The following ABCA1 variants were observed in gnomAD, a reference collection of about 807,000 sequenced individuals.
ABCA1 encodes phospholipid-transporting ATPase ABCA1.
Under a neutral mutation model 262.5 loss-of-function variants are expected in ABCA1, and 133 were observed. The ratio of observed to expected loss-of-function variants is 0.51; its 90% CI spans 0.44 to 0.59. The LOEUF is 0.59. Among genes scored for constraint, ABCA1 ranks in the 20% least tolerant of loss-of-function variants. The probability of loss-of-function intolerance (pLI) is 0.00; values close to 1 mark genes in which losing one functional copy is unlikely to be tolerated. For synonymous variants in ABCA1, 1,022 were observed against 1,043.5 expected, an observed-to-expected ratio of 0.98 and a Z score of 0.40; for missense variants, 2,452 against 2,777.5, an observed-to-expected ratio of 0.88 and a Z score of 2.63.
intron 2 of ABCA1, among the ~76,000 whole-genome samples, chr9:104,899,331 CTAAAAGCTCA>C (rs1378593451): frequency 6.6e-6 from 1 of 152,126 alleles, no homozygotes; most frequent in African/African-American, 2.4e-5. Context: ...GTAAAATTCT[CTAAAAGCTCA>C]TAAATGAGGA....
At position 104,799,978 on chromosome 9, in the gene ABCA1, T is replaced by C. The variant is rs1830195091; in HGVS notation, c.4784A>G (p.Asn1595Ser). Residue 1595 changes from asparagine (N) to serine (S), a missense_variant, in exon 36 of 50, where the codon AAT becomes AGT. Asn to Ser is a conservative substitution (Grantham distance 46). Around this residue, in one of 4 missense-constraint regions of ABCA1, gnomAD observed 752 missense variants for 944.5 expected, o/e 0.80. Transcript: ENST00000374736. ...DTKNNVKVWF[N>S]NKGWHAISSF... is the part of the protein sequence containing the mutation. ...GCTGATTGCATGCCAGCCCTTGTTA[T>C]TGAACCACACCTGAAAGAAAACATA... is the stretch of plus-strand genomic sequence containing the variant. The C allele has an allele frequency of 1.2e-6, 2 of 1,614,180 alleles. No individual in the cohort carries two copies. Among genetic ancestry groups the C allele is most frequent in the Non-Finnish European group, 1.7e-6 (2 of 1,180,032 alleles).
intron 28 of ABCA1, among the ~76,000 whole-genome samples, 158 bp from the exon 29 acceptor site, chr9:104,811,082 T>C (rs1336653747): frequency 6.6e-6 from 1 of 152,256 alleles, no homozygotes; most frequent in Non-Finnish European, 1.5e-5. Context: ...CACCAAGGCA[T>C]TCTTGGCAGC....
rs756752984 is a variant in ABCA1 at position 104,837,501 on chromosome 9, G to A, written c.1121C>T (p.Ala374Val). ...SSPLSRIIWK[A>V]LKPLLVGKIL... The stretch of plus-strand genomic sequence containing the variant: ...CTTCCCAACGAGCAGCGGCTTCAGA[G>A]CTTTCCAGATAATGCGGGAAAGAGG... Residue 374 changes from alanine to valine, a missense_variant, in exon 10 of 50, where the codon GCT becomes GTT. By Grantham distance (64) the Ala-to-Val change is moderately conservative. Coordinates refer to ENST00000374736, the MANE Select transcript of ABCA1 (RefSeq NM_005502.4). 1.1e-5 allele frequency: 18 copies of A among 1,614,036 alleles called. No homozygotes were observed. Among genetic ancestry groups the A allele is most frequent in the Non-Finnish European group, 2.5e-6 (3 of 1,180,010 alleles).
chr9:104,837,450 G>T lies in ABCA1; in HGVS notation c.1172C>A (p.Ala391Asp). 6.2e-7 allele frequency: 1 copy of T among 1,614,082 alleles called. No homozygotes were observed. Among genetic ancestry groups the T allele is most frequent in the Non-Finnish European group, 8.5e-7 (1 of 1,179,948 alleles). The part of the protein sequence containing the change: ...GKILYTPDTP[A>D]TRQVMAEVNK... Reference sequence around the variant, plus strand: ...TACCTCAGCCATGACCTGCCTTGTGGCTGGAGTGTCAGGTGTATACAGGAT... The same window carrying T: ...TACCTCAGCCATGACCTGCCTTGTGTCTGGAGTGTCAGGTGTATACAGGAT... Residue 391 changes from alanine (A) to aspartate (D), a missense_variant, in exon 10 of 50, where the codon GCC (alanine) becomes GAC (aspartate). Ala to Asp is a moderately radical substitution (Grantham distance 126). Transcript: ENST00000374736.
chr9:104,883,506 G>A (rs557508269), intron 4 of ABCA1, among the ~76,000 whole-genome samples: 11 of 152,302 alleles, frequency 7.2e-5, no homozygotes, highest in African/African-American at 2.6e-4. Flanking sequence ...CTGGGCCTGG[G>A]ATACTCTTAA....
rs1407534988 is a variant in ABCA1 at position 104,821,519 on chromosome 9, A to G, written c.2829-13T>C. The G allele has an allele frequency of 1.2e-6, 2 of 1,613,554 alleles. No individual in the cohort carries two copies. ...GGTCAGGATTGACCTGAGGACAAAA[A>G]TTTAGAAGTACAGAAGTCAGGGTTG... On this transcript the variant is annotated splice_polypyrimidine_tract_variant and intron_variant, in intron 19 of 49. Coordinates refer to ENST00000374736, the MANE Select transcript of ABCA1 (RefSeq NM_005502.4).
intron 20 of ABCA1, among the ~76,000 whole-genome samples, chr9:104,821,047 A>C (rs553156920): frequency 1.1e-4 from 16 of 152,322 alleles, no homozygotes; most frequent in African/African-American, 2.9e-4. Context: ...CATTGAGACC[A>C]TCCTGGCCAA....
intron 49 of ABCA1, 67 bp downstream of exon 49, chr9:104,785,328 TG>T (rs1828826581): frequency 6.3e-7 from 1 of 1,598,164 alleles, no homozygotes. Context: ...CTTGGACCTA[TG>T]GGCGGGAGTG....
intron 36 of ABCA1, 81 bp downstream of exon 36, chr9:104,799,738 A>G: frequency 1.2e-6 from 2 of 1,613,204 alleles, no homozygotes; most frequent in East Asian, 2.2e-5. Flanking sequence ...GTTCCCCTAC[A>G]ATGAGATTCA....
rs4149333 is a variant in ABCA1 at position 104,790,643 on chromosome 9, A to G, written c.5927+279T>C. Among the ~76,000 whole-genome samples, 34,811 of 151,964 alleles carry G rather than the reference A, an allele frequency of 0.23. 5,946 individuals are homozygous for G. Among genetic ancestry groups the G allele is most frequent in the African/African-American group, 0.47 (19,621 of 41,324 alleles). Reference sequence around the variant, plus strand: ...AACTCTCAATTTACCAAAAATCACTAAATTATACTCTTAAAAAACAAGCAA... The same window carrying G: ...AACTCTCAATTTACCAAAAATCACTGAATTATACTCTTAAAAAACAAGCAA... On this transcript the variant is annotated intron_variant, in intron 44 of 49. Transcript: ENST00000374736.
intron 2 of ABCA1, among the ~76,000 whole-genome samples, chr9:104,895,851 T>G (rs1218744222): frequency 6.6e-6 from 1 of 152,150 alleles, no homozygotes; most frequent in East Asian, 1.9e-4. Context: ...TTAGCCACGT[T>G]AATTCAAGGT....
intron 32 of ABCA1, 71 bp from the exon 33 acceptor site, chr9:104,803,387 G>A (rs1011371405): frequency 2.9e-5 from 41 of 1,418,286 alleles, no homozygotes; most frequent in Non-Finnish European, 4.1e-5. Flanking sequence ...TGCAAAAGGA[G>A]TAAATATCCA....
In ABCA1 at chr9:104,819,735, CAG is replaced by C. The variant is rs1564127057; in HGVS notation, c.3104-14_3104-13del. On this transcript the variant is annotated splice_polypyrimidine_tract_variant and intron_variant, in intron 21 of 49. Coordinates refer to ENST00000374736, the MANE Select transcript of ABCA1 (RefSeq NM_005502.4). Reference sequence around the variant, plus strand: ...TCTCTGCATTCCACCTACAAAAAAACAGAGCAAGACAAACTCCAGGACCAGCC... The same window carrying C: ...TCTCTGCATTCCACCTACAAAAAAACAGCAAGACAAACTCCAGGACCAGCC... 1 of 1,614,156 alleles carries C rather than the reference CAG, an allele frequency of 6.2e-7. No individual in the cohort carries two copies.
chr9:104,889,216 A>C (rs1564254909), intron 2 of ABCA1, 21 bp from the exon 3 acceptor site: 1 of 1,611,452 alleles, frequency 6.2e-7, no homozygotes, highest in Non-Finnish European at 8.5e-7. Flanking sequence ...AATAAGATAG[A>C]ACACTGTAAA....
chr9:104,855,856 G>C (rs1370036609), intron 7 of ABCA1: 2 of 1,612,356 alleles, frequency 1.2e-6, no homozygotes, highest in Non-Finnish European at 1.7e-6. Flanking sequence ...GGAGGCCCAG[G>C]AGAAACTCAC....
At chr9:104,797,689 G>C (rs1830011745) in intron 37 of ABCA1, among the ~76,000 whole-genome samples, 1 of 152,192 alleles carries the variant, frequency 6.6e-6, no homozygotes. Context: ...CACCATCATT[G>C]CTCACATTTG....
chr9:104,828,340 G>A (rs1832974766), intron 15 of ABCA1, among the ~76,000 whole-genome samples: 1 of 152,192 alleles, frequency 6.6e-6, no homozygotes, highest in African/African-American at 2.4e-5. Flanking sequence ...TCAGCTCGAT[G>A]AAGAACAACT....
At chr9:104,822,366 C>T (rs548170515) in intron 19 of ABCA1, 130 bp downstream of exon 19, 1,003 of 1,219,124 alleles carry the variant, frequency 8.2e-4, no homozygotes, top group Admixed American at 1.1e-3. Context: ...AACATGTTCA[C>T]ATTCGGCAAC....
chr9:104,862,951 C>T (rs978061582), intron 5 of ABCA1, among the ~76,000 whole-genome samples: 1 of 151,284 alleles, frequency 6.6e-6, no homozygotes, highest in African/African-American at 2.4e-5. Flanking sequence ...CCCAGGTCTG[C>T]CAGGCTTTAG....
Sources: allele counts gnomAD v4.1 joint callset (sites outside exome capture counted in the v4.1 genomes callset), GRCh38; gene constraint gnomAD v4.1.1; regional missense constraint gnomAD v4.1.1; transcripts MANE v1.5; gene names NCBI Gene and HGNC (gene_info 2026-07-23, HGNC 2026-07-21).